Variants in PUM1 observed in about 807,000 individuals in gnomAD.
PUM1 encodes the protein pumilio homolog 1.
In PUM1, 13 loss-of-function variants were observed where a neutral mutation model predicts 131.8. That is an observed-to-expected ratio of 0.10 (90% CI 0.06 to 0.16). The LOEUF (loss-of-function observed/expected upper bound fraction) is 0.16. Among genes scored for constraint, PUM1 ranks in the 10% least tolerant of loss-of-function variants. The pLI is 1.00. For missense variants in PUM1, 961 were observed against 1,512.4 expected (o/e 0.64, Z 6.05); for synonymous variants, 509 against 556.5 (o/e 0.91, Z 1.20).
chr1:30,984,730 C>T (rs557634086), intron 7 of PUM1, among the ~76,000 whole-genome samples: 4 of 152,220 alleles, frequency 2.6e-5, no homozygotes, highest in East Asian at 1.9e-4. Flanking sequence ...GAAAGGAATC[C>T]GGGCAGCCAA....
intron 2 of PUM1, among the ~76,000 whole-genome samples, chr1:31,040,902 A>G (rs150839461): frequency 5.6e-4 from 85 of 152,342 alleles, no homozygotes; most frequent in Non-Finnish European, 8.8e-5. Flanking sequence ...AGGGTGAGAA[A>G]TAAGCAGATC....
intron 14 of PUM1, among the ~76,000 whole-genome samples, chr1:30,961,444 A>G (rs1358899006): frequency 6.6e-6 from 1 of 151,874 alleles, no homozygotes; most frequent in Non-Finnish European, 1.5e-5. Context: ...AGATCCTTTG[A>G]GCCCAGGAGT....
chr1:30,984,288 T>C (rs1413599282), intron 7 of PUM1, among the ~76,000 whole-genome samples: 2 of 152,194 alleles, frequency 1.3e-5, no homozygotes, highest in Admixed American at 6.5e-5. Context: ...TTTATGTAAA[T>C]GGTGCAATAT....
chr1:31,001,661 C>CA (rs1642217556), intron 5 of PUM1, among the ~76,000 whole-genome samples: 1 of 152,144 alleles, frequency 6.6e-6, no homozygotes, highest in Non-Finnish European at 1.5e-5. Flanking sequence ...CAAAGAAATT[C>CA]ATGAAAGTAC....
chr1:30,995,090 A>G lies in PUM1; in HGVS notation c.851T>C (p.Val284Ala), dbSNP rs1222421863. ...GACGTCTGCATCAATCCCATTCTGC[A>G]CTGGTAAACCATTGGTCTTGTCCAT... ...DVMDKTNGLP[V>A]QNGIDADVKD... Residue 284 changes from valine to alanine, a missense_variant, in exon 6 of 22, where the codon GTG becomes GCG. Transcript: ENST00000426105. 1 of 1,614,100 alleles carries G rather than the reference A, an allele frequency of 6.2e-7. No homozygotes were observed. Among genetic ancestry groups the G allele is most frequent in the Non-Finnish European group, 8.5e-7 (1 of 1,180,016 alleles).
At chr1:31,065,561 C>A in intron 1 of PUM1, 55 bp downstream of exon 1, 4 of 1,533,582 alleles carry the variant, frequency 2.6e-6, no homozygotes, top group Non-Finnish European at 3.5e-6. Flanking sequence ...AAGGGACAAT[C>A]TGCTCGTTAG....
intron 2 of PUM1, among the ~76,000 whole-genome samples, chr1:31,038,984 A>ATATATACATATTTTTTTTTTTTTT: frequency 2.0e-5 from 1 of 49,422 alleles, no homozygotes; most frequent in African/African-American, 2.1e-4. Flanking sequence ...ATATATATAT[A>ATATATACATATTTTTTTTTTTTTT]TTTTTTTTTT....
chr1:30,979,098 T>C (rs76946376), intron 9 of PUM1, among the ~76,000 whole-genome samples: 6,262 of 142,758 alleles, frequency 0.044, 419 homozygotes, highest in African/African-American at 0.15. Flanking sequence ...AGTGAGATCC[T>C]GTCTCCAAAA....
chr1:31,003,553 T>C (rs527481077), intron 5 of PUM1, among the ~76,000 whole-genome samples: 4 of 152,234 alleles, frequency 2.6e-5, no homozygotes, highest in Non-Finnish European at 4.4e-5. Context: ...GGTCAGGAGT[T>C]TGAGACCAGC....
At chr1:30,946,325 C>T (rs1639667639) in intron 17 of PUM1, among the ~76,000 whole-genome samples, 1 of 147,356 alleles carries the variant, frequency 6.8e-6, no homozygotes, top group African/African-American at 2.5e-5. Context: ...TTATTTATCA[C>T]AGAGCCTATA....
intron 2 of PUM1, among the ~76,000 whole-genome samples, chr1:31,041,933 T>G (rs1643830745): frequency 6.6e-6 from 1 of 151,906 alleles, no homozygotes; most frequent in South Asian, 2.1e-4. Context: ...CATGTAAAAA[T>G]ATTAGAACAC....
At chr1:31,049,936 T>C (rs1254819962) in intron 2 of PUM1, among the ~76,000 whole-genome samples, 1 of 150,272 alleles carries the variant, frequency 6.7e-6, no homozygotes, top group Non-Finnish European at 1.5e-5. Flanking sequence ...TTCAAGTGAT[T>C]CTCCTGCCTC....
chr1:30,932,884 T>G lies in PUM1; in HGVS notation c.*327A>C, dbSNP rs1031479426. On this transcript the variant is annotated 3_prime_UTR_variant, in exon 22 of 22. Coordinates refer to ENST00000426105, the MANE Select transcript of PUM1 (RefSeq NM_001020658.2). ...TGTTAAACCAACCACCCTGAAAGTT[T>G]CCACATGTGAAATATAGATACAACA... 1.2e-5 allele frequency: 2 copies of G among 166,290 alleles called. No individual in the cohort carries two copies. Among genetic ancestry groups the G allele is most frequent in the African/African-American group, 4.8e-5 (2 of 41,976 alleles). 10.3% of individuals were successfully genotyped at this position (166,290 alleles called of 1,614,324 possible). A position where few individuals can be genotyped will look rare whatever the true frequency, so the allele number is the denominator to read the frequency against.
intron 15 of PUM1, among the ~76,000 whole-genome samples, chr1:30,952,687 G>T (rs12085866): frequency 1.1e-5 from 1 of 89,294 alleles, no homozygotes. Context: ...GGGGGGCGGG[G>T]GGGGGGCGGG....
rs74442375 is a variant in PUM1 at position 31,021,094 on chromosome 1, G to C, written c.432+7702C>G. Among the ~76,000 whole-genome samples, 53 of 152,228 alleles carry C rather than the reference G, an allele frequency of 3.5e-4. No homozygotes were observed. The South Asian group carries it at 7.9e-3, about 23-fold the overall frequency. On this transcript the variant is annotated intron_variant, in intron 3 of 21. Coordinates refer to ENST00000426105, the MANE Select transcript of PUM1 (RefSeq NM_001020658.2). ...GAAAGTACCATCGATCTGTAACAAC[G>C]TAACAACTATATTAAACAAAAGATC...
At position 30,933,164 on chromosome 1, in the gene PUM1, G is replaced by A. The variant is rs1436444542; in HGVS notation, c.*47C>T. On this transcript the variant is annotated 3_prime_UTR_variant, in exon 22 of 22. Transcript: ENST00000426105. Reference sequence around the variant, plus strand: ...CTGGTTGCTGGTTGGATTTGCCAGTGGGCCAGTGAGGTCAGCGGGAATGAG... The same window carrying A: ...CTGGTTGCTGGTTGGATTTGCCAGTAGGCCAGTGAGGTCAGCGGGAATGAG... 4 of 1,570,482 alleles carry A rather than the reference G, an allele frequency of 2.5e-6. No homozygotes were observed. The South Asian group carries it at 4.7e-5, about 19-fold the overall frequency.
At chr1:31,042,331 T>TAAATAAATAAATA (rs1553152902) in intron 2 of PUM1, among the ~76,000 whole-genome samples, 1 of 151,084 alleles carries the variant, frequency 6.6e-6, no homozygotes, top group Non-Finnish European at 1.5e-5. Flanking sequence ...AATAAATAAA[T>TAAATAAATAAATA]AAATAAAATA....
chr1:31,060,488 A>C (rs1206432823), intron 1 of PUM1, among the ~76,000 whole-genome samples: 3 of 151,790 alleles, frequency 2.0e-5, no homozygotes, highest in Non-Finnish European at 4.4e-5. Flanking sequence ...ATCAATCACA[A>C]CTTTACAGCT....
intron 17 of PUM1, among the ~76,000 whole-genome samples, chr1:30,948,875 T>G (rs1639804347): frequency 6.6e-6 from 1 of 152,218 alleles, no homozygotes; most frequent in Admixed American, 6.5e-5. Flanking sequence ...GCTTCACACT[T>G]GCTTCTAATT....
Sources: gnomAD v4.1 joint callset for allele counts (sites outside exome capture counted in the v4.1 genomes callset) on GRCh38, gnomAD v4.1.1 for gene constraint, MANE v1.5 for transcripts, NCBI Gene and HGNC (gene_info 2026-07-23, HGNC 2026-07-21) for gene names.